EDC3: variants seen among roughly 807,000 people sequenced by gnomAD.
The protein encoded by EDC3 is enhancer of mRNA decapping 3, also known as enhancer of mRNA-decapping protein 3.
A neutral mutation model predicts 41.8 loss-of-function variants in EDC3; 20 were observed. The observed-to-expected ratio is 0.48, with a 90% CI of 0.34 to 0.70. EDC3 has a LOEUF of 0.70. Among genes scored for constraint, EDC3 ranks in the 30% least tolerant of loss-of-function variants. The pLI is 0.01. For synonymous variants in EDC3, 206 were observed against 243.2 expected, an observed-to-expected ratio of 0.85 and a Z score of 1.42; for missense variants, 444 against 636.8, an observed-to-expected ratio of 0.70 and a Z score of 3.26.
intron 3 of EDC3, among the ~76,000 whole-genome samples, chr15:74,668,115 C>A (rs181352015): frequency 1.6e-4 from 24 of 152,268 alleles, no homozygotes; most frequent in Non-Finnish European, 5.9e-5. Flanking sequence ...ATTTAAACAT[C>A]AAGTACCAAC....
At chr15:74,655,671 T>C (rs2062537627) in intron 4 of EDC3, 62 bp downstream of exon 4, 1 of 1,487,302 alleles carries the variant, frequency 6.7e-7, no homozygotes, top group Non-Finnish European at 9.0e-7. Flanking sequence ...CAGGTCTTTC[T>C]GTTTCAAGCA....
chr15:74,686,894 G>A (rs996644336), intron 1 of EDC3, among the ~76,000 whole-genome samples: 13 of 152,060 alleles, frequency 8.5e-5, no homozygotes, highest in East Asian at 1.9e-4. Flanking sequence ...CGACGTGGAC[G>A]GCATGGTGGC....
intron 5 of EDC3, chr15:74,638,690 A>C (rs1479515462): frequency 6.6e-6 from 1 of 151,310 alleles, no homozygotes; most frequent in African/African-American, 2.4e-5. Flanking sequence ...GGTATTCCAA[A>C]CTCAACACAT....
intron 4 of EDC3, among the ~76,000 whole-genome samples, chr15:74,649,352 C>T (rs757226202): frequency 2.6e-5 from 4 of 152,028 alleles, no homozygotes; most frequent in African/African-American, 4.8e-5. Context: ...CAGGCTCAAG[C>T]GAGCCAGCCT....
intron 1 of EDC3, among the ~76,000 whole-genome samples, chr15:74,689,461 C>G (rs2062976765): frequency 6.6e-6 from 1 of 152,168 alleles, no homozygotes; most frequent in Non-Finnish European, 1.5e-5. Flanking sequence ...AATTACTATT[C>G]AGTCAAGAAC....
intron 3 of EDC3, among the ~76,000 whole-genome samples, chr15:74,657,711 T>C (rs1014188216): frequency 6.6e-6 from 1 of 152,222 alleles, no homozygotes; most frequent in Non-Finnish European, 1.5e-5. Context: ...AGCAATCTTC[T>C]GATTTTTAAT....
At chr15:74,657,634 G>T (rs928579206) in intron 3 of EDC3, among the ~76,000 whole-genome samples, 1 of 152,168 alleles carries the variant, frequency 6.6e-6, no homozygotes, top group South Asian at 2.1e-4. Context: ...AGAAGGCCTG[G>T]TCTTATAGCC....
At chr15:74,683,138 G>C (rs1192516610) in intron 1 of EDC3, among the ~76,000 whole-genome samples, 1 of 152,232 alleles carries the variant, frequency 6.6e-6, no homozygotes, top group East Asian at 1.9e-4. Context: ...ACAAACAGTG[G>C]TACATTCATA....
intron 2 of EDC3, among the ~76,000 whole-genome samples, chr15:74,674,546 G>C (rs1266930679): frequency 1.3e-5 from 2 of 152,202 alleles, no homozygotes; most frequent in African/African-American, 4.8e-5. Context: ...GGAGGTTCTA[G>C]AGAATGAAGC....
Position 74,680,766 on chromosome 15 carries a change from G to C in EDC3, c.-18-5624C>G, listed in dbSNP as rs899494090. Reference sequence around the variant, plus strand: ...TAATCTACAAAAAGTCTTAGAACAAGTGAGTTCAGCAAGATTGTGGGATAC... The same window carrying C: ...TAATCTACAAAAAGTCTTAGAACAACTGAGTTCAGCAAGATTGTGGGATAC... On this transcript the variant is annotated intron_variant, in intron 1 of 6. Coordinates refer to ENST00000315127, the MANE Select transcript of EDC3 (RefSeq NM_025083.5). 2.6e-5 allele frequency among the ~76,000 whole-genome samples: 4 copies of C among 152,266 alleles called. No homozygotes were observed. The South Asian group carries it at 6.2e-4, about 24-fold the overall frequency.
chr15:74,662,793 T>C (rs1035353687), intron 3 of EDC3, among the ~76,000 whole-genome samples: 2 of 152,128 alleles, frequency 1.3e-5, no homozygotes, highest in African/African-American at 4.8e-5. Flanking sequence ...CCAAAGCTCC[T>C]GAAACCAGGT....
intron 6 of EDC3, chr15:74,635,032 T>C (rs535306186): frequency 1.3e-5 from 6 of 468,832 alleles, no homozygotes; most frequent in African/African-American, 9.9e-5. Context: ...CCTGCTTTGT[T>C]TTTATCCACA....
At chr15:74,687,675 T>C (rs1340992294) in intron 1 of EDC3, among the ~76,000 whole-genome samples, 1 of 152,152 alleles carries the variant, frequency 6.6e-6, no homozygotes, top group Non-Finnish European at 1.5e-5. Flanking sequence ...TGCCTGGCCC[T>C]TGGGTAAATT....
At chr15:74,681,660 G>C (rs2062872032) in intron 1 of EDC3, among the ~76,000 whole-genome samples, 1 of 152,180 alleles carries the variant, frequency 6.6e-6, no homozygotes, top group Non-Finnish European at 1.5e-5. Context: ...AGGCAGCATA[G>C]TTTTTACAAC....
At chr15:74,644,696 C>T (rs1227496780) in intron 4 of EDC3, 1 of 151,918 alleles carries the variant, frequency 6.6e-6, no homozygotes, top group Non-Finnish European at 1.5e-5. Context: ...CTCCCCACCT[C>T]TTCCCTTCCC....
At chr15:74,684,084 G>GTTTTTTTTTTTTTTTT (rs58548595) in intron 1 of EDC3, among the ~76,000 whole-genome samples, 5 of 103,052 alleles carry the variant, frequency 4.9e-5, no homozygotes, top group African/African-American at 1.9e-4. Flanking sequence ...TTTTGTTTCT[G>GTTTTTTTTTTTTTTTT]TTTTTTTTTT....
In EDC3 at chr15:74,630,961, T is replaced by C. The variant is rs2062197254; in HGVS notation, c.*1651A>G. The C allele has an allele frequency of 1.3e-5, 2 of 152,218 alleles. No homozygotes were observed. Among genetic ancestry groups the C allele is most frequent in the Non-Finnish European group, 2.9e-5 (2 of 68,056 alleles). 9.4% of individuals were successfully genotyped at this position (152,218 alleles called of 1,614,324 possible). A position where few individuals can be genotyped will look rare whatever the true frequency, so the allele number is the denominator to read the frequency against. ...GCCAGAACCTACCTACCAAAAAGCC[T>C]GTAACCTAGACTGCTCCTCAGATTT... On this transcript the variant is annotated 3_prime_UTR_variant, in exon 7 of 7. Transcript: ENST00000315127.
At chr15:74,668,566 A>G (rs1758350452) in intron 3 of EDC3, among the ~76,000 whole-genome samples, 1 of 152,124 alleles carries the variant, frequency 6.6e-6, no homozygotes, top group African/African-American at 2.4e-5. Flanking sequence ...CTAAAAGTAA[A>G]AAGACTAGCC....
At chr15:74,673,492 G>C (rs59773112) in intron 2 of EDC3, among the ~76,000 whole-genome samples, 3,550 of 152,182 alleles carry the variant, frequency 0.023, 142 homozygotes, top group African/African-American at 0.081. Flanking sequence ...ATGTCCAATG[G>C]AAATGACCAG....
Sources: allele counts gnomAD v4.1 joint callset (sites outside exome capture counted in the v4.1 genomes callset), GRCh38; gene constraint gnomAD v4.1.1; transcripts MANE v1.5; gene names NCBI Gene and HGNC (gene_info 2026-07-23, HGNC 2026-07-21).